The following C18orf32 variants were observed in gnomAD, a reference collection of about 807,000 sequenced individuals.
The protein encoded by C18orf32 is UPF0729 protein C18orf32.
In C18orf32, 5 loss-of-function variants were observed where a neutral mutation model predicts 7.4. The observed-to-expected ratio is 0.68, with a 90% confidence interval of 0.35 to 1.42. C18orf32 has a LOEUF of 1.42. C18orf32 is among the 40% of genes most tolerant of loss of function. The pLI is 0.04. For missense variants in C18orf32, 88 were observed against 92.4 expected (o/e 0.95, Z 0.19); for synonymous variants, 30 against 29.3 (o/e 1.02, Z -0.08).
chr18:49,484,136 G>GAA (rs61290557), intron 1 of C18orf32, among the ~76,000 whole-genome samples: 17,995 of 44,056 alleles, frequency 0.41, 2,196 homozygotes, highest in Non-Finnish European at 0.42. Context: ...CTCAAAAAAA[G>GAA]AAAAAAAAAA....
At chr18:49,485,331 A>C (rs2083725502) in intron 1 of C18orf32, among the ~76,000 whole-genome samples, 1 of 152,140 alleles carries the variant, frequency 6.6e-6, no homozygotes, top group Admixed American at 6.5e-5. Context: ...GAGGGGGTGG[A>C]TCATCTTAGG....
At position 49,483,649 on chromosome 18, in the gene C18orf32, G is replaced by A. The variant is rs201224790; in HGVS notation, c.100C>T (p.Arg34Cys). The stretch of plus-strand genomic sequence containing the variant: ...TGTATTGCTTTCTTAGGCCATATAC[G>A]ACTAACGAAGGGGGAAACCAGAGGG... Reference protein sequence around the residue: ...IYPLVSPFVSRIWPKKAIQES... With the variant: ...IYPLVSPFVSCIWPKKAIQES... The change falls in exon 2 of 3, where the codon CGT (arginine) becomes TGT (cysteine). Residue 34 changes from arginine to cysteine, a missense_variant. Transcript: ENST00000318240. 3.0e-5 allele frequency: 49 copies of A among 1,613,262 alleles called. No homozygotes were observed. Among genetic ancestry groups the A allele is most frequent in the Non-Finnish European group, 3.8e-5 (45 of 1,179,924 alleles).
rs935755504 is a variant in C18orf32, at chr18:49,478,236, C to T, written c.*4109G>A. ...TTAATTTTTGGTGGAGGCGAGGTCT[C>T]CCTATGTTGCCCAGGCTGGGATCCT... On this transcript the variant is annotated 3_prime_UTR_variant, in exon 3 of 3. Coordinates refer to ENST00000318240, the MANE Select transcript of C18orf32 (RefSeq NM_001035005.4). 2.0e-5 allele frequency: 3 copies of T among 149,486 alleles called. No homozygotes were observed. Among genetic ancestry groups the T allele is most frequent in the African/African-American group, 7.7e-5 (3 of 38,980 alleles). 9.3% of individuals were successfully genotyped at this position (149,486 alleles called of 1,614,324 possible).
chr18:49,481,109 A>G lies in C18orf32; in HGVS notation c.*1236T>C, dbSNP rs2083656360. The stretch of plus-strand genomic sequence containing the variant: ...TTTATAATAGTATTTATACCTTAAA[A>G]AAGTTTATTTGCTAATGAGAATTTA... On this transcript the variant is annotated 3_prime_UTR_variant, in exon 3 of 3. Transcript: ENST00000318240. 6.6e-6 allele frequency: 1 copy of G among 152,214 alleles called. No individual in the cohort carries two copies. Among genetic ancestry groups the G allele is most frequent in the Admixed American group, 6.5e-5 (1 of 15,284 alleles). The allele number at this position is 152,214 out of a possible 1,614,324, so 9.4% of individuals were successfully genotyped here. A position where few individuals can be genotyped will look rare whatever the true frequency, so the allele number is the denominator to read the frequency against.
chr18:49,487,001 C>CGGGGCGG (rs2083763109), intron 1 of C18orf32, 42 bp downstream of exon 1: 1 of 27,062 alleles, frequency 3.7e-5, no homozygotes, highest in Non-Finnish European at 7.2e-5. Flanking sequence ...GAGGGGAGGG[C>CGGGGCGG]GGGGCGGAGG....
intron 2 of C18orf32, 40 bp downstream of exon 2, chr18:49,483,544 C>G: frequency 1.3e-6 from 2 of 1,537,884 alleles, no homozygotes; most frequent in East Asian, 2.3e-5. Context: ...AGTACCACCC[C>G]CTTTCACTGC....
chr18:49,484,339 T>C (rs911167521), intron 1 of C18orf32, among the ~76,000 whole-genome samples: 7 of 151,980 alleles, frequency 4.6e-5, no homozygotes, highest in African/African-American at 1.7e-4. Context: ...ATGGCTGTAA[T>C]CCCAGCACTT....
chr18:49,477,503 G>A lies in C18orf32; in HGVS notation c.*4842C>T, dbSNP rs28379941. 0.5 allele frequency: 75,598 copies of A among 149,820 alleles called. 20,400 individuals are homozygous for A. Among genetic ancestry groups the A allele is most frequent in the African/African-American group, 0.58 (22,833 of 39,296 alleles). 9.3% of individuals were successfully genotyped at this position (149,820 alleles called of 1,614,324 possible). A position where few individuals can be genotyped will look rare whatever the true frequency, so the allele number is the denominator to read the frequency against. On this transcript the variant is annotated 3_prime_UTR_variant, in exon 3 of 3. Transcript: ENST00000318240. Reference sequence around the variant, plus strand: ...TAAGATATTAGTAGCTGTGGCAGCCGGGCCCAGTGCTTATGCCTGTGATCC... The same window carrying A: ...TAAGATATTAGTAGCTGTGGCAGCCAGGCCCAGTGCTTATGCCTGTGATCC...
At chr18:49,483,433 C>A in intron 2 of C18orf32, 151 bp downstream of exon 2, 1 of 1,001,460 alleles carries the variant, frequency 1.0e-6, no homozygotes, top group South Asian at 1.8e-5. Flanking sequence ...ATGCATTAAT[C>A]AGAGGCCTAC....
rs751348939 is a variant in C18orf32 at position 49,483,779 on chromosome 18, T to C, written c.-23-8A>G. ...CAAGCTTGAGCTCCTCAACTGTTGA[T>C]ATATGTGAAGAAAAAAATTAGTTCA... On this transcript the variant is annotated splice_region_variant and splice_polypyrimidine_tract_variant and intron_variant, in intron 1 of 2. Coordinates refer to ENST00000318240, the MANE Select transcript of C18orf32 (RefSeq NM_001035005.4). 5 of 1,585,048 alleles carry C rather than the reference T, an allele frequency of 3.2e-6. No individual in the cohort carries two copies. The highest frequency in any genetic ancestry group is 4.3e-6 in the Non-Finnish European group (5 of 1,172,764).
chr18:49,487,018 G>A (rs537853312), intron 1 of C18orf32, 25 bp downstream of exon 1: 1 of 152,358 alleles, frequency 6.6e-6, no homozygotes, highest in South Asian at 2.1e-4. Flanking sequence ...GAGGGCGGAG[G>A]AGCGCGCTCG....
chr18:49,483,738 A>C lies in C18orf32; in HGVS notation c.11T>G (p.Ile4Ser). ...CAGAACTGGAATGACGATACAAGGA[A>C]TGCACACCATTTTCCCAAGCTTGAG... MVC[I>S]PCIVIPVLLW... Residue 4 changes from isoleucine (I) to serine (S), a missense_variant, in exon 2 of 3, where the codon ATT (isoleucine) becomes AGT (serine). Physicochemically the swap from Ile to Ser is moderately radical, Grantham distance 142. Coordinates refer to ENST00000318240, the MANE Select transcript of C18orf32 (RefSeq NM_001035005.4). The C allele has an allele frequency of 1.2e-6, 2 of 1,609,696 alleles. No individual in the cohort carries two copies. The highest frequency in any genetic ancestry group is 2.7e-5 in the African/African-American group (2 of 74,762).
chr18:49,477,756 C>G lies in C18orf32; in HGVS notation c.*4589G>C, dbSNP rs953308822. 4.0e-5 allele frequency: 6 copies of G among 149,304 alleles called. No homozygotes were observed. Among genetic ancestry groups the G allele is most frequent in the African/African-American group, 1.3e-4 (5 of 38,646 alleles). The allele number at this position is 149,304 out of a possible 1,614,324, so 9.2% of individuals were successfully genotyped here. A position where few individuals can be genotyped will look rare whatever the true frequency, so the allele number is the denominator to read the frequency against. On this transcript the variant is annotated 3_prime_UTR_variant, in exon 3 of 3. Transcript: ENST00000318240. ...CACCATTGCACTGCAGCCTGGGCAA[C>G]AAGAGCGAAACTCCATCTTCCAAAA...
chr18:49,483,258 ATTGT>A (rs2083687547), intron 2 of C18orf32, among the ~76,000 whole-genome samples: 1 of 151,710 alleles, frequency 6.6e-6, no homozygotes, highest in South Asian at 2.1e-4. Flanking sequence ...TTTTAAAAAA[ATTGT>A]TTTTTTTTTA....
intron 1 of C18orf32, among the ~76,000 whole-genome samples, chr18:49,485,562 A>T (rs944183070): frequency 1.7e-4 from 26 of 152,102 alleles, no homozygotes; most frequent in African/African-American, 2.6e-4. Flanking sequence ...GTCAGAAAAA[A>T]AAAAAATAAA....
At chr18:49,482,737 C>CAAAAAAA (rs11454919) in intron 2 of C18orf32, among the ~76,000 whole-genome samples, 22 of 122,344 alleles carry the variant, frequency 1.8e-4, no homozygotes, top group South Asian at 2.5e-4. Context: ...AAAACAAAAA[C>CAAAAAAA]AAAAAAAAAA....
intron 1 of C18orf32, among the ~76,000 whole-genome samples, chr18:49,484,318 TGCAG>T: frequency 6.6e-6 from 1 of 151,416 alleles, no homozygotes; most frequent in Non-Finnish European, 1.5e-5. Flanking sequence ...ATAGGCCAGG[TGCAG>T]TGGCTCATGG....
chr18:49,485,282 C>T (rs545361391), intron 1 of C18orf32, among the ~76,000 whole-genome samples: 7 of 151,878 alleles, frequency 4.6e-5, no homozygotes, highest in East Asian at 2.0e-4. Flanking sequence ...AGGCTGGGCG[C>T]GGTGGCTCAC....
rs1380477303 is a variant in C18orf32 at position 49,483,686 on chromosome 18, C to A, written c.63G>T (p.Glu21Asp). 1 of 1,613,616 alleles carries A rather than the reference C, an allele frequency of 6.2e-7. No homozygotes were observed. Among genetic ancestry groups the A allele is most frequent in the Non-Finnish European group, 8.5e-7 (1 of 1,179,958 alleles). Residue 21 changes from glutamate (E) to aspartate (D), a missense_variant, in exon 2 of 3, where the codon GAG becomes GAT. Physicochemically the swap from Glu to Asp is conservative, Grantham distance 45. Coordinates refer to ENST00000318240, the MANE Select transcript of C18orf32 (RefSeq NM_001035005.4). ...GGGAAACCAGAGGGTATATATATGG[C>A]TCCAGGAATTTTTTGTAGATCCAGA... ...VLLWIYKKFL[E>D]PYIYPLVSPF...
Sources: allele counts gnomAD v4.1 joint callset (sites outside exome capture counted in the v4.1 genomes callset), GRCh38; gene constraint gnomAD v4.1.1; transcripts MANE v1.5; gene names NCBI Gene and HGNC (gene_info 2026-07-23, HGNC 2026-07-21).